Variants in SLC3A1 observed in about 807,000 individuals in gnomAD.
SLC3A1 encodes solute carrier family 3 member 1.
In SLC3A1, 78 loss-of-function variants were observed where a neutral mutation model predicts 60.3. The observed-to-expected ratio is 1.29, with a 90% CI of 1.08 to 1.56. The LOEUF (loss-of-function observed/expected upper bound fraction) is 1.56. Among genes scored for constraint, SLC3A1 ranks in the 40% most tolerant of loss-of-function variants. The probability of loss-of-function intolerance (pLI) is 0.00; values close to 1 mark genes in which losing one functional copy is unlikely to be tolerated. For missense variants in SLC3A1, 1,172 were observed against 858.9 expected, an observed-to-expected ratio of 1.36 and a Z score of -4.56; for synonymous variants, 392 against 307.9, an observed-to-expected ratio of 1.27 and a Z score of -2.86.
intron 7 of SLC3A1, among the ~76,000 whole-genome samples, chr2:44,312,185 A>C (rs1197298017): frequency 6.6e-6 from 1 of 152,206 alleles, no homozygotes; most frequent in African/African-American, 2.4e-5. Flanking sequence ...ATAATTCATA[A>C]GTCAAAACAA....
chr2:44,285,682 C>T (rs1442801377), intron 3 of SLC3A1: 4 of 498,296 alleles, frequency 8.0e-6, no homozygotes, highest in Non-Finnish European at 1.6e-5. Context: ...TACCATTTTG[C>T]TTCTCTTCAC....
At chr2:44,282,398 T>C (rs1426255743) in intron 3 of SLC3A1, among the ~76,000 whole-genome samples, 10 of 152,008 alleles carry the variant, frequency 6.6e-5, no homozygotes, top group Non-Finnish European at 1.5e-5. Flanking sequence ...CGTATCTGCC[T>C]CTACCCCATC....
intron 7 of SLC3A1, among the ~76,000 whole-genome samples, chr2:44,309,710 T>A (rs957808863): frequency 5.3e-5 from 8 of 152,230 alleles, no homozygotes; most frequent in African/African-American, 1.7e-4. Flanking sequence ...GCAATTCTTA[T>A]GCCTTAGCCT....
At chr2:44,306,763 G>C (rs1672168485) in intron 7 of SLC3A1, among the ~76,000 whole-genome samples, 1 of 149,536 alleles carries the variant, frequency 6.7e-6, no homozygotes, top group South Asian at 2.1e-4. Context: ...CATCATGTTG[G>C]CCAGGCTGGT....
downstream of SLC3A1, chr2:44,321,960 G>C (rs749368989): frequency 6.0e-6 from 9 of 1,497,032 alleles, no homozygotes; most frequent in Admixed American, 1.9e-5. Flanking sequence ...TTGGAAGATC[G>C]AGACCCATTC....
At chr2:44,278,465 T>C (rs574960999) in intron 1 of SLC3A1, among the ~76,000 whole-genome samples, 2 of 150,750 alleles carry the variant, frequency 1.3e-5, no homozygotes, top group African/African-American at 2.4e-5. Flanking sequence ...AATAAATAAA[T>C]AAATAAATAA....
intron 9 of SLC3A1, chr2:44,318,854 C>T (rs1373315009): frequency 6.6e-6 from 1 of 152,076 alleles, no homozygotes; most frequent in Non-Finnish European, 1.5e-5. Flanking sequence ...ATTGATAAAA[C>T]ATTCCACCAA....
chr2:44,301,441 T>G (rs528754178), intron 6 of SLC3A1: 1 of 557,436 alleles, frequency 1.8e-6, no homozygotes, highest in South Asian at 2.1e-5. Context: ...ATTTTTTCTT[T>G]TTCAAAAACC....
intron 4 of SLC3A1, among the ~76,000 whole-genome samples, chr2:44,296,564 C>G (rs1034888203): frequency 1.3e-5 from 2 of 152,172 alleles, no homozygotes; most frequent in African/African-American, 2.4e-5. Flanking sequence ...AGAACTTGCT[C>G]TTAGGCATAA....
chr2:44,283,601 A>G (rs996441506), intron 3 of SLC3A1, among the ~76,000 whole-genome samples: 1 of 152,298 alleles, frequency 6.6e-6, no homozygotes, highest in South Asian at 2.1e-4. Context: ...GCCATACTCA[A>G]ACTATATCAT....
chr2:44,282,913 C>G (rs1470444189), intron 3 of SLC3A1, among the ~76,000 whole-genome samples: 1 of 152,172 alleles, frequency 6.6e-6, no homozygotes, highest in African/African-American at 2.4e-5. Context: ...CCGCTTCGGC[C>G]TTGCAAAGTG....
At chr2:44,309,858 A>G (rs1365176584) in intron 7 of SLC3A1, among the ~76,000 whole-genome samples, 1 of 152,066 alleles carries the variant, frequency 6.6e-6, no homozygotes. Context: ...TTGGCCTCCC[A>G]AAGTGCTGGG....
intron 9 of SLC3A1, 159 bp downstream of exon 9, chr2:44,314,110 T>A (rs1174667479): frequency 2.6e-6 from 4 of 1,514,870 alleles, no homozygotes; most frequent in Middle Eastern, 2.3e-4. Flanking sequence ...AGTTTGTAAA[T>A]CATGCCTTTG....
intron 6 of SLC3A1, chr2:44,303,750 GC>G: frequency 2.8e-6 from 1 of 352,214 alleles, no homozygotes; most frequent in Non-Finnish European, 5.4e-6. Flanking sequence ...CCACTGACAG[GC>G]CCCGGTGTGT....
At chr2:44,310,756 T>C (rs1228008517) in intron 7 of SLC3A1, among the ~76,000 whole-genome samples, 1 of 152,158 alleles carries the variant, frequency 6.6e-6, no homozygotes, top group East Asian at 1.9e-4. Flanking sequence ...ACTCCCATTA[T>C]GCATATGTTG....
intron 3 of SLC3A1, 145 bp from the exon 4 acceptor site, chr2:44,285,887 G>C (rs1671601612): frequency 9.9e-7 from 1 of 1,007,358 alleles, no homozygotes. Flanking sequence ...ATTTGGAAGG[G>C]GTTTCTTTAA....
At chr2:44,321,779 T>G, downstream of SLC3A1, 1 of 1,613,690 alleles carries the variant, frequency 6.2e-7, no homozygotes, top group Non-Finnish European at 8.5e-7. Context: ...GAAAACAACA[T>G]GTATCTAGTT....
intron 4 of SLC3A1, among the ~76,000 whole-genome samples, chr2:44,296,439 A>G (rs1671845595): frequency 6.6e-6 from 1 of 152,218 alleles, no homozygotes; most frequent in Non-Finnish European, 1.5e-5. Context: ...GGTAAAAGAT[A>G]AAGGCACTAG....
At chr2:44,281,033 T>C in intron 2 of SLC3A1, 138 bp downstream of exon 2, 3 of 742,776 alleles carry the variant, frequency 4.0e-6, no homozygotes, top group Non-Finnish European at 6.8e-6. Flanking sequence ...CTTCTTTCTT[T>C]CCTTCCCGCT....
Sources: gnomAD v4.1 joint callset for allele counts (sites outside exome capture counted in the v4.1 genomes callset) on GRCh38, gnomAD v4.1.1 for gene constraint, MANE v1.5 for transcripts, NCBI Gene and HGNC (gene_info 2026-07-23, HGNC 2026-07-21) for gene names.